Variants in DHTKD1 observed in about 807,000 individuals in gnomAD.
The protein encoded by DHTKD1 is 2-oxoadipate dehydrogenase complex component E1.
DHTKD1 carries 78 observed loss-of-function variants against 101.8 expected under a neutral mutation model. That is an observed-to-expected ratio of 0.77 (90% CI 0.64 to 0.93). The LOEUF (loss-of-function observed/expected upper bound fraction) is 0.93. DHTKD1 is among the 40% of genes least tolerant of loss of function. DHTKD1 has a pLI of 0.00. For missense variants in DHTKD1, 1,223 were observed against 1,161.7 expected, an observed-to-expected ratio of 1.05 and a Z score of -0.77; for synonymous variants, 462 against 450.3, an observed-to-expected ratio of 1.03 and a Z score of -0.33.
chr10:12,069,518 C>CTTTTTTTTTTTTTTTTTTTTTTTTTT (rs10691718), intron 1 of DHTKD1, among the ~76,000 whole-genome samples: 1 of 81,552 alleles, frequency 1.2e-5, no homozygotes, highest in East Asian at 3.5e-4. Flanking sequence ...TTTTTGTTTC[C>CTTTTTTTTTTTTTTTTTTTTTTTTTT]TTTTTTTTTT....
chr10:12,113,013 C>T lies in DHTKD1; in HGVS notation c.2268C>T (p.Asn756=). ...TGCTTAGGAGACAGATGGTCCGGAA[C>T]TTCAGAAAACCACTCATTGTTGCTT... is the stretch of plus-strand genomic sequence containing the variant. The part of the protein sequence containing the change: ...FHLLRRQMVR[N]FRKPLIVASP... The change falls in exon 13 of 17, where the codon AAC becomes AAT. Residue 756 remains asparagine (N), a synonymous_variant. Coordinates refer to ENST00000263035, the MANE Select transcript of DHTKD1 (RefSeq NM_018706.7). 1.2e-6 allele frequency: 2 copies of T among 1,613,664 alleles called. No individual in the cohort carries two copies. Among genetic ancestry groups the T allele is most frequent in the Middle Eastern group, 1.7e-4 (1 of 6,060 alleles).
intron 1 of DHTKD1, among the ~76,000 whole-genome samples, chr10:12,076,516 CTG>C (rs1315220127): frequency 6.6e-6 from 1 of 151,872 alleles, no homozygotes; most frequent in Non-Finnish European, 1.5e-5. Context: ...CTGTGGAAAA[CTG>C]TGAGAATACA....
chr10:12,101,196 T>C lies in DHTKD1; in HGVS notation c.1896+15T>C. ...GGTTTCTAGAGGTGAGATGTTTCTA[T>C]AGCTGTTGTAAAATCCAGGTGCCAA... On this transcript the variant is annotated intron_variant, in intron 10 of 16. Coordinates refer to ENST00000263035, the MANE Select transcript of DHTKD1 (RefSeq NM_018706.7). The C allele has an allele frequency of 3.1e-6, 5 of 1,602,772 alleles. No homozygotes were observed. The highest frequency in any genetic ancestry group is 4.3e-6 in the Non-Finnish European group (5 of 1,175,330).
intron 10 of DHTKD1, among the ~76,000 whole-genome samples, chr10:12,102,008 T>C (rs1286750038): frequency 6.6e-6 from 1 of 152,186 alleles, no homozygotes; most frequent in Non-Finnish European, 1.5e-5. Context: ...TATTCAAGTG[T>C]CTAGCACATG....
intron 7 of DHTKD1, 93 bp downstream of exon 7, chr10:12,094,364 C>T (rs1379373693): frequency 5.1e-6 from 6 of 1,175,020 alleles, no homozygotes; most frequent in Non-Finnish European, 7.4e-6. Context: ...GTCACCCAGT[C>T]TGGAATGCAG....
chr10:12,081,749 G>A lies in DHTKD1; in HGVS notation c.310+122G>A, dbSNP rs61847985. The A allele has an allele frequency of 3.4e-3, 3,613 of 1,075,566 alleles. 14 individuals are homozygous for A. The highest frequency in any genetic ancestry group is 4.1e-3 in the Non-Finnish European group (3,017 of 744,858). The allele number at this position is 1,075,566 out of a possible 1,614,324, so 66.6% of individuals were successfully genotyped here. On this transcript the variant is annotated intron_variant, in intron 2 of 16. Coordinates refer to ENST00000263035, the MANE Select transcript of DHTKD1 (RefSeq NM_018706.7). ...GGCTCCCGCAGGTGTGAGGAGACCC[G>A]AGGGGCATGTTGAAGTACGGTCCGG...
chr10:12,101,868 C>T (rs1304086280), intron 10 of DHTKD1, among the ~76,000 whole-genome samples: 1 of 152,172 alleles, frequency 6.6e-6, no homozygotes. Flanking sequence ...TCCCAAAGCA[C>T]TGGAAGTATA....
intron 10 of DHTKD1, among the ~76,000 whole-genome samples, chr10:12,101,909 A>G (rs1588614068): frequency 6.6e-6 from 1 of 152,232 alleles, no homozygotes; most frequent in Non-Finnish European, 1.5e-5. Flanking sequence ...GCCAGATATA[A>G]CCATGTATTT....
intron 15 of DHTKD1, 70 bp downstream of exon 15, chr10:12,118,988 A>C: frequency 7.2e-7 from 1 of 1,392,386 alleles, no homozygotes; most frequent in Non-Finnish European, 9.5e-7. Context: ...TTTTAAATGA[A>C]AAGATGTGGT....
chr10:12,120,713 C>T (rs1833513755), intron 16 of DHTKD1, 74 bp from the exon 17 acceptor site: 2 of 1,242,452 alleles, frequency 1.6e-6, no homozygotes, highest in Admixed American at 3.5e-5. Context: ...AATACATGCA[C>T]TGTCTTGTTG....
rs565772264 is a variant in DHTKD1, at chr10:12,107,148, G to A, written c.2047+752G>A. Among the ~76,000 whole-genome samples the A allele has an allele frequency of 3.5e-4, 53 of 151,448 alleles. 1 individual carries two copies. In the South Asian group the frequency reaches 0.011, roughly 30 times the overall value. ...TACATAGGCGCTGGTCACCACGCCCGGCTAATTTTTTGTATTTTTAGTAGA... is the reference window on the plus strand; with the variant it reads ...TACATAGGCGCTGGTCACCACGCCCAGCTAATTTTTTGTATTTTTAGTAGA... On this transcript the variant is annotated intron_variant, in intron 11 of 16. Coordinates refer to ENST00000263035, the MANE Select transcript of DHTKD1 (RefSeq NM_018706.7). This position sits in a 1 kb window ranked among gnomAD's most constrained non-coding sequence, Gnocchi z 4.1.
intron 14 of DHTKD1, 137 bp from the exon 15 acceptor site, chr10:12,118,612 G>A (rs1833461363): frequency 2.1e-6 from 1 of 485,668 alleles, no homozygotes; most frequent in Non-Finnish European, 3.7e-6. Context: ...TTGATTTCCT[G>A]ACCTCGTGAT....
intron 10 of DHTKD1, among the ~76,000 whole-genome samples, chr10:12,102,355 C>T (rs190034197): frequency 6.2e-4 from 88 of 141,542 alleles, no homozygotes; most frequent in African/African-American, 2.2e-3. Flanking sequence ...ACCCAGGAGG[C>T]GGAGGTTGCA....
rs761509751 is a variant in DHTKD1 at position 12,091,594 on chromosome 10, G to GGTGGGA, written c.1073_1078dup (p.Gly358_Ser359dup). ...GTCCAATCTCCCACATTTCAGAATTGGTGGGAGTGTGCATTTGATTGTTAA... is the reference window on the plus strand; with the variant it reads ...GTCCAATCTCCCACATTTCAGAATTGGTGGGAGTGGGAGTGTGCATTTGATTGTTAA... On this transcript the variant is annotated inframe_insertion, in exon 6 of 17. Coordinates refer to ENST00000263035, the MANE Select transcript of DHTKD1 (RefSeq NM_018706.7). The GGTGGGA allele has an allele frequency of 6.2e-7, 1 of 1,613,366 alleles. No homozygotes were observed. Among genetic ancestry groups the GGTGGGA allele is most frequent in the Non-Finnish European group, 8.5e-7 (1 of 1,179,780 alleles).
At chr10:12,086,407 A>C (rs1588606883) in intron 3 of DHTKD1, among the ~76,000 whole-genome samples, 1 of 149,042 alleles carries the variant, frequency 6.7e-6, no homozygotes, top group Non-Finnish European at 1.5e-5. Context: ...TTTTTAGTAG[A>C]ACGGGGTTTC....
intron 3 of DHTKD1, 70 bp downstream of exon 3, chr10:12,084,821 C>A: frequency 3.6e-6 from 5 of 1,395,816 alleles, no homozygotes; most frequent in Non-Finnish European, 5.0e-6. Context: ...GAGGCCGAGG[C>A]GGGCGGATCA....
intron 16 of DHTKD1, 149 bp from the exon 17 acceptor site, chr10:12,120,638 C>T (rs1269689825): frequency 1.8e-5 from 13 of 722,256 alleles, no homozygotes; most frequent in South Asian, 3.3e-5. Context: ...AGCCCTGTCC[C>T]TCTAATCTCT....
chr10:12,114,256 C>G lies in DHTKD1; in HGVS notation c.2319+1192C>G, dbSNP rs575215620. On this transcript the variant is annotated intron_variant, in intron 13 of 16. Transcript: ENST00000263035. ...GCATATATTTATCCCATCTGCTATA[C>G]TTTTTTCAGGTTCATATGAGTTTTA... Among the ~76,000 whole-genome samples the G allele has an allele frequency of 1.9e-3, 287 of 151,820 alleles. 2 individuals are homozygous for G. Among genetic ancestry groups the G allele is most frequent in the African/African-American group, 6.5e-3 (269 of 41,386 alleles).
intron 1 of DHTKD1, 150 bp downstream of exon 1, chr10:12,069,337 G>A: frequency 5.6e-6 from 4 of 715,410 alleles, no homozygotes; most frequent in Non-Finnish European, 9.0e-6. Context: ...GGGAGCAGAG[G>A]GTAGGTGTGG....
Sources: gnomAD v4.1 joint callset for allele counts (sites outside exome capture counted in the v4.1 genomes callset) on GRCh38, gnomAD v4.1.1 for gene constraint, Gnocchi (gnomAD v3.1) non-coding constraint, MANE v1.5 for transcripts, NCBI Gene and HGNC (gene_info 2026-07-23, HGNC 2026-07-21) for gene names.